TRAM1: variants seen among roughly 807,000 people sequenced by gnomAD.
TRAM1 encodes the protein translocation associated membrane protein 1.
Under a neutral mutation model 48.7 loss-of-function variants are expected in TRAM1, and 17 were observed. That is an observed-to-expected ratio of 0.35 (90% CI 0.24 to 0.52). The LOEUF (loss-of-function observed/expected upper bound fraction) is 0.52. Ranked by LOEUF, TRAM1 falls within the 20% of genes least tolerant of loss-of-function variation. The pLI, the probability that TRAM1 is intolerant of heterozygous loss-of-function variation, is 0.94. For synonymous variants in TRAM1, 182 were observed against 154.0 expected, an observed-to-expected ratio of 1.18 and a Z score of -1.34; for missense variants, 351 against 441.5, an observed-to-expected ratio of 0.79 and a Z score of 1.84.
chr8:70,607,460 G>T, intron 1 of TRAM1: 3 of 985,464 alleles, frequency 3.0e-6, no homozygotes, highest in Non-Finnish European at 3.6e-6. Context: ...CCTCCACTGC[G>T]CCGGTGCCCG....
rs546747094 is a variant in TRAM1, at chr8:70,596,370, T to C, written c.427-49A>G. ...AACCTGTGAGCATAATGCAAACTTC[T>C]TGGAAAATAAGGCATTACTTTCATT... On this transcript the variant is annotated intron_variant, in intron 4 of 10. Transcript: ENST00000262213. 1.4e-5 allele frequency: 20 copies of C among 1,418,346 alleles called. No individual in the cohort carries two copies. The Admixed American group carries it at 4.1e-4, about 29-fold the overall frequency. The allele number at this position is 1,418,346 out of a possible 1,614,324, so 87.9% of individuals were successfully genotyped here.
chr8:70,596,096 A>C (rs1054791044), intron 5 of TRAM1, among the ~76,000 whole-genome samples, 167 bp downstream of exon 5: 5 of 152,164 alleles, frequency 3.3e-5, no homozygotes, highest in African/African-American at 1.2e-4. Context: ...CATTAAAAAA[A>C]GGTACACAGC....
At chr8:70,578,262 C>T (rs750594091) in intron 10 of TRAM1, among the ~76,000 whole-genome samples, 4 of 152,158 alleles carry the variant, frequency 2.6e-5, no homozygotes, top group Admixed American at 6.5e-5. Context: ...GCATGCACCA[C>T]GATGCCTGGT....
intron 6 of TRAM1, among the ~76,000 whole-genome samples, chr8:70,593,069 AG>A (rs1401011248): frequency 3.9e-5 from 6 of 152,194 alleles, no homozygotes; most frequent in Non-Finnish European, 8.8e-5. Flanking sequence ...TTCTAAATCA[AG>A]GGTTTAAAAA....
At chr8:70,580,415 A>C (rs1440924581) in intron 10 of TRAM1, among the ~76,000 whole-genome samples, 1 of 152,170 alleles carries the variant, frequency 6.6e-6, no homozygotes, top group East Asian at 1.9e-4. Flanking sequence ...AAATCAATCT[A>C]ATCTATAATA....
chr8:70,577,253 G>A (rs1263233307), intron 10 of TRAM1, among the ~76,000 whole-genome samples: 1 of 152,194 alleles, frequency 6.6e-6, no homozygotes, highest in Non-Finnish European at 1.5e-5. Flanking sequence ...AGGCACCACG[G>A]ATGGCAGGTT....
chr8:70,603,303 TACACACACAC>T lies in TRAM1; in HGVS notation c.124-3231_124-3222del, dbSNP rs35864770. 1.6e-3 allele frequency among the ~76,000 whole-genome samples: 237 copies of T among 150,062 alleles called. 1 individual carries two copies. Among genetic ancestry groups the T allele is most frequent in the Middle Eastern group, 3.5e-3 (1 of 286 alleles). ...ATATACACACTATATATATGTTTTATACACACACACACACACACACACACACACACAATCT... is the reference window on the plus strand; with the variant it reads ...ATATACACACTATATATATGTTTTATACACACACACACACACACACAATCT... On this transcript the variant is annotated intron_variant, in intron 1 of 10. Coordinates refer to ENST00000262213, the MANE Select transcript of TRAM1 (RefSeq NM_014294.6).
chr8:70,577,307 G>C (rs1463158776), intron 10 of TRAM1, among the ~76,000 whole-genome samples: 2 of 152,194 alleles, frequency 1.3e-5, no homozygotes, highest in African/African-American at 4.8e-5. Context: ...GAAAGGGGTG[G>C]GCCCTGGTGA....
intron 10 of TRAM1, among the ~76,000 whole-genome samples, chr8:70,579,441 G>C (rs1441236682): frequency 1.3e-5 from 2 of 152,166 alleles, no homozygotes; most frequent in Admixed American, 6.5e-5. Flanking sequence ...TATTTAGCAC[G>C]TAACTATATA....
chr8:70,598,784 A>G (rs1471655984), intron 2 of TRAM1, among the ~76,000 whole-genome samples: 1 of 152,230 alleles, frequency 6.6e-6, no homozygotes, highest in Non-Finnish European at 1.5e-5. Context: ...TTCAAAACAA[A>G]TCTTTATCAA....
In TRAM1 at chr8:70,574,904, G is replaced by A; in HGVS notation, c.*28C>T. On this transcript the variant is annotated 3_prime_UTR_variant, in exon 11 of 11. Coordinates refer to ENST00000262213, the MANE Select transcript of TRAM1 (RefSeq NM_014294.6). ...TATAGTAGAAAGCAGATTTCTTTGG[G>A]GACATTAATCAATTAGTTTATAATT... 6.9e-7 allele frequency: 1 copy of A among 1,447,336 alleles called. No homozygotes were observed. Among genetic ancestry groups the A allele is most frequent in the Non-Finnish European group, 9.7e-7 (1 of 1,035,142 alleles). 89.7% of individuals were successfully genotyped at this position (1,447,336 alleles called of 1,614,324 possible).
chr8:70,606,587 T>C (rs567306895), intron 1 of TRAM1, among the ~76,000 whole-genome samples: 2 of 152,266 alleles, frequency 1.3e-5, no homozygotes, highest in South Asian at 4.1e-4. Flanking sequence ...TATTTCCTGA[T>C]AAAGAGCAGA....
intron 1 of TRAM1, among the ~76,000 whole-genome samples, chr8:70,605,027 T>C (rs547462409): frequency 1.3e-5 from 2 of 152,228 alleles, no homozygotes; most frequent in Non-Finnish European, 2.9e-5. Flanking sequence ...TTTTGATTAA[T>C]GTGAAGTTCC....
chr8:70,589,384 C>A (rs1021704349), intron 6 of TRAM1, among the ~76,000 whole-genome samples: 2 of 152,150 alleles, frequency 1.3e-5, no homozygotes, highest in Non-Finnish European at 2.9e-5. Context: ...CCGTTATAAT[C>A]ATCTCAGAAA....
rs143805220 is a variant in TRAM1 at position 70,589,736 on chromosome 8, G to A, written c.571-2560C>T. Among the ~76,000 whole-genome samples, 720 of 152,204 alleles carry A rather than the reference G, an allele frequency of 4.7e-3. 5 individuals carry two copies. The highest frequency in any genetic ancestry group is 0.016 in the African/African-American group (680 of 41,510). On this transcript the variant is annotated intron_variant, in intron 6 of 10. Transcript: ENST00000262213. ...GCCTGTACTTCCAGCCACTTGGGAG[G>A]CTGAAGTAGTAGGATTGCTTAAGCC...
chr8:70,584,945 G>T (rs1442728314), intron 8 of TRAM1, among the ~76,000 whole-genome samples: 2 of 152,014 alleles, frequency 1.3e-5, no homozygotes, highest in Non-Finnish European at 2.9e-5. Flanking sequence ...AGTTCATATG[G>T]AACCAAAAAA....
chr8:70,593,086 G>A (rs1013538361), intron 6 of TRAM1, among the ~76,000 whole-genome samples: 10 of 151,984 alleles, frequency 6.6e-5, no homozygotes, highest in African/African-American at 2.4e-4. Flanking sequence ...AAAAATAAAA[G>A]GTCTTCATCC....
chr8:70,577,188 G>T (rs1486555239), intron 10 of TRAM1, among the ~76,000 whole-genome samples: 1 of 152,176 alleles, frequency 6.6e-6, no homozygotes, highest in South Asian at 2.1e-4. Flanking sequence ...GAGGCCGAGG[G>T]GGGCTGAGGG....
intron 2 of TRAM1, among the ~76,000 whole-genome samples, chr8:70,598,474 C>T (rs550943243): frequency 6.6e-6 from 1 of 152,124 alleles, no homozygotes; most frequent in Non-Finnish European, 1.5e-5. Context: ...CTTACAAAGA[C>T]TTGACACATG....
Sources: allele counts gnomAD v4.1 joint callset (sites outside exome capture counted in the v4.1 genomes callset), GRCh38; gene constraint gnomAD v4.1.1; transcripts MANE v1.5; gene names NCBI Gene and HGNC (gene_info 2026-07-23, HGNC 2026-07-21).